The following PATJ variants were observed in gnomAD, a reference collection of about 807,000 sequenced individuals.
PATJ encodes inaD-like protein.
A neutral mutation model predicts 224.9 loss-of-function variants in PATJ; 190 were observed. That is an observed-to-expected ratio of 0.84 (90% CI 0.75 to 0.95). The LOEUF is 0.95. PATJ is among the 40% of genes least tolerant of loss of function. PATJ has a pLI of 0.00. For missense variants in PATJ, 2,121 were observed against 2,270.3 expected (o/e 0.93, Z 1.34); for synonymous variants, 769 against 820.3 (o/e 0.94, Z 1.07).
intron 39 of PATJ, among the ~76,000 whole-genome samples, chr1:62,123,481 T>C (rs1286493325): frequency 1.2e-4 from 16 of 131,556 alleles, no homozygotes; most frequent in African/African-American, 4.6e-4. Flanking sequence ...TTTTTTTTTT[T>C]TTTTTTTTTT....
intron 31 of PATJ, among the ~76,000 whole-genome samples, chr1:62,055,292 A>T (rs1482484893): frequency 6.6e-6 from 1 of 152,176 alleles, no homozygotes; most frequent in Non-Finnish European, 1.5e-5. Flanking sequence ...GGAGCTCAAG[A>T]TCCCTAAAAT....
At chr1:62,133,476 G>A (rs1197334092) in intron 41 of PATJ, among the ~76,000 whole-genome samples, 1 of 152,128 alleles carries the variant, frequency 6.6e-6, no homozygotes, top group African/African-American at 2.4e-5. Context: ...CAGCTACTTG[G>A]GAGGCTGAGG....
intron 32 of PATJ, 72 bp from the exon 33 acceptor site, chr1:62,084,443 C>G: frequency 6.6e-7 from 1 of 1,508,802 alleles, no homozygotes; most frequent in African/African-American, 1.4e-5. Flanking sequence ...CCCACACTCC[C>G]CACGTGATGG....
intron 28 of PATJ, among the ~76,000 whole-genome samples, chr1:62,005,069 G>A (rs12749947): frequency 0.15 from 22,266 of 150,862 alleles, 2,027 homozygotes; most frequent in Non-Finnish European, 0.21. Context: ...TGGTTAATAC[G>A]TAGTTTTTTT....
chr1:61,969,187 A>T (rs1303727466), intron 27 of PATJ, among the ~76,000 whole-genome samples: 1 of 152,188 alleles, frequency 6.6e-6, no homozygotes, highest in African/African-American at 2.4e-5. Context: ...GCTGCTATGA[A>T]CATGAGTGTG....
intron 27 of PATJ, among the ~76,000 whole-genome samples, chr1:61,940,454 C>T (rs973527959): frequency 3.3e-5 from 5 of 152,126 alleles, no homozygotes; most frequent in African/African-American, 4.8e-5. Context: ...CAGTGGTTCA[C>T]GCCAGTAATC....
At chr1:61,771,302 T>A in intron 5 of PATJ, 129 bp from the exon 6 acceptor site, 2 of 528,164 alleles carry the variant, frequency 3.8e-6, no homozygotes, top group Non-Finnish European at 6.6e-6. Context: ...TGTTATATAA[T>A]TAAATAATTT....
intron 22 of PATJ, among the ~76,000 whole-genome samples, chr1:61,896,560 G>A (rs1670396243): frequency 1.3e-5 from 2 of 152,114 alleles, no homozygotes; most frequent in Admixed American, 1.3e-4. Context: ...AAGACTTTGG[G>A]AGACTGTTGG....
At chr1:62,159,639 A>T (rs1570883668) in intron 43 of PATJ, among the ~76,000 whole-genome samples, 1 of 147,972 alleles carries the variant, frequency 6.8e-6, no homozygotes, top group African/African-American at 2.5e-5. Flanking sequence ...GCTCACTCCA[A>T]CCTCTGCAGG....
intron 27 of PATJ, among the ~76,000 whole-genome samples, chr1:61,939,707 C>T (rs1393298059): frequency 1.7e-4 from 12 of 72,126 alleles, no homozygotes; most frequent in South Asian, 1.3e-3. Flanking sequence ...TTTTTTGAGA[C>T]GTTGTCGCCC....
At chr1:61,991,329 G>A (rs1227963081) in intron 28 of PATJ, among the ~76,000 whole-genome samples, 1 of 152,130 alleles carries the variant, frequency 6.6e-6, no homozygotes, top group Non-Finnish European at 1.5e-5. Context: ...TTGACTTGTA[G>A]CTCTTTGTAA....
At position 62,025,816 on chromosome 1, in the gene PATJ, C is replaced by T. The variant is rs867503427; in HGVS notation, c.3959+7869C>T. Among the ~76,000 whole-genome samples the T allele has an allele frequency of 4.1e-4, 62 of 152,188 alleles. 1 individual carries two copies. The highest frequency in any genetic ancestry group is 6.2e-4 in the South Asian group (3 of 4,836). On this transcript the variant is annotated intron_variant, in intron 29 of 43. Transcript: ENST00000642238. The stretch of plus-strand genomic sequence containing the variant: ...CCACCCTGGGTGACAGAGAGAGACC[C>T]TGTCTCAAATAGATAAATAAATAAA...
At chr1:61,893,824 A>G (rs1165236585) in intron 22 of PATJ, among the ~76,000 whole-genome samples, 1 of 151,690 alleles carries the variant, frequency 6.6e-6, no homozygotes, top group Non-Finnish European at 1.5e-5. Flanking sequence ...TAATGATAGC[A>G]TAAAGGTGTC....
At chr1:61,898,523 C>T (rs1426124520) in intron 22 of PATJ, among the ~76,000 whole-genome samples, 1 of 152,056 alleles carries the variant, frequency 6.6e-6, no homozygotes, top group East Asian at 1.9e-4. Context: ...CAGCCATGAG[C>T]CACCACACCT....
intron 28 of PATJ, among the ~76,000 whole-genome samples, chr1:61,995,431 T>C (rs925529612): frequency 1.3e-5 from 2 of 152,240 alleles, no homozygotes; most frequent in Non-Finnish European, 2.9e-5. Flanking sequence ...ATGAGGTTAA[T>C]TTATAGAAAA....
chr1:61,885,592 G>A (rs1668705392), intron 22 of PATJ, among the ~76,000 whole-genome samples: 2 of 152,302 alleles, frequency 1.3e-5, no homozygotes, highest in Admixed American at 1.3e-4. Flanking sequence ...CTATAAACTA[G>A]TTCAACCACT....
chr1:62,128,627 C>G (rs1056307945), intron 40 of PATJ, among the ~76,000 whole-genome samples: 12 of 152,178 alleles, frequency 7.9e-5, no homozygotes, highest in African/African-American at 2.9e-4. Context: ...TTTTAATAAT[C>G]AAATGTGACC....
intron 29 of PATJ, among the ~76,000 whole-genome samples, chr1:62,030,312 C>A (rs191364184): frequency 6.6e-6 from 1 of 152,104 alleles, no homozygotes; most frequent in African/African-American, 2.4e-5. Context: ...TTGGCTTTGA[C>A]GTTTACATTA....
intron 32 of PATJ, among the ~76,000 whole-genome samples, chr1:62,081,527 C>T (rs550860772): frequency 9.0e-4 from 137 of 152,178 alleles, no homozygotes; most frequent in African/African-American, 3.1e-3. Flanking sequence ...CAGGAGACTA[C>T]GCTAGTCATT....
Sources: gnomAD v4.1 joint callset for allele counts (sites outside exome capture counted in the v4.1 genomes callset) on GRCh38, gnomAD v4.1.1 for gene constraint, MANE v1.5 for transcripts, NCBI Gene and HGNC (gene_info 2026-07-23, HGNC 2026-07-21) for gene names.